MAP2K7: variants seen among roughly 807,000 people sequenced by gnomAD.
MAP2K7 encodes mitogen-activated protein kinase kinase 7.
Under a neutral mutation model 47.7 loss-of-function variants are expected in MAP2K7, and 12 were observed. The observed-to-expected ratio is 0.25, with a 90% CI of 0.16 to 0.41. The LOEUF is 0.41. Among genes scored for constraint, MAP2K7 ranks in the 10% least tolerant of loss-of-function variants. The pLI, the probability that MAP2K7 is intolerant of heterozygous loss-of-function variation, is 1.00. For missense variants in MAP2K7, 415 were observed against 600.3 expected (o/e 0.69, Z 3.23); for synonymous variants, 299 against 243.0 (o/e 1.23, Z -2.14).
At chr19:7,910,594 GC>G in intron 5 of MAP2K7, 22 bp downstream of exon 5, 1 of 1,613,202 alleles carries the variant, frequency 6.2e-7, no homozygotes, top group South Asian at 1.1e-5. Flanking sequence ...GCCGCGCCCT[GC>G]AGCGTCTCCT....
At position 7,905,904 on chromosome 19, in the gene MAP2K7, A is replaced by G. The variant is rs894231703; in HGVS notation, c.124+1836A>G. On this transcript the variant is annotated intron_variant, in intron 1 of 10. Transcript: ENST00000397979. ...GCTTGGACATCTGCACCATTGACCT[A>G]ACCGCTGCCCCGGCCGCAGAATGGC... 13 of 1,569,562 alleles carry G rather than the reference A, an allele frequency of 8.3e-6. No individual in the cohort carries two copies. In the Admixed American group the frequency reaches 8.4e-5, roughly 10 times the overall value.
Position 7,910,534 on chromosome 19 carries a change from C to T in MAP2K7, c.529C>T (p.Pro177Ser), listed in dbSNP as rs779365415. 6 of 1,613,572 alleles carry T rather than the reference C, an allele frequency of 3.7e-6. No individual in the cohort carries two copies. In the Admixed American group the frequency reaches 5.0e-5, roughly 13 times the overall value. ...LDVVLKSHDC[P>S]YIVQCFGTFI... ...TGTGGTGCTGAAGAGCCACGACTGC[C>T]CCTACATCGTGCAGTGCTTTGGGAC... is the stretch of plus-strand genomic sequence containing the variant. The change falls in exon 5 of 11, where the codon CCC becomes TCC. Residue 177 changes from proline to serine, a missense_variant. Physicochemically the swap from Pro to Ser is moderately conservative, Grantham distance 74 (BLOSUM62 -1). This residue lies in a region of MAP2K7 where 206 missense variants were observed against 368.8 expected (regional missense o/e 0.56). Transcript: ENST00000397979.
chr19:7,912,241 G>T (rs116670144), intron 10 of MAP2K7, 47 bp downstream of exon 10: 2 of 1,613,454 alleles, frequency 1.2e-6, no homozygotes, highest in Non-Finnish European at 1.7e-6. Context: ...CTGCGGAGGC[G>T]CGAGGCCAGG....
In MAP2K7 at chr19:7,912,287, G is replaced by A; in HGVS notation, c.1126-10G>A. ...GTCTCCTCCTAAGCCCCACCCCCTC[G>A]GGCCCACAGGAACACAGCTTCATCA... On this transcript the variant is annotated splice_polypyrimidine_tract_variant and intron_variant, in intron 10 of 10. Coordinates refer to ENST00000397979, the MANE Select transcript of MAP2K7 (RefSeq NM_145185.4). 1 of 1,613,540 alleles carries A rather than the reference G, an allele frequency of 6.2e-7. No homozygotes were observed.
rs1213372895 is a variant in MAP2K7 at position 7,909,823 on chromosome 19, C to T, written c.193C>T (p.Pro65Ser). The change falls in exon 2 of 11, where the codon CCC (proline) becomes TCC (serine). Residue 65 changes from proline to serine, a missense_variant. Pro to Ser is a moderately conservative substitution (Grantham distance 74). This residue lies in a region of MAP2K7 where 115 missense variants were observed against 126.2 expected (regional missense o/e 0.91). Transcript: ENST00000397979. ...ATCCTCAGAGAGCTCCCCGCAGCACCCCACGCCCCCCGCCCGGCCCCGCCA... is the reference window on the plus strand; with the variant it reads ...ATCCTCAGAGAGCTCCCCGCAGCACTCCACGCCCCCCGCCCGGCCCCGCCA... ...SPSSESSPQH[P>S]TPPARPRHML... The T allele has an allele frequency of 2.6e-6, 4 of 1,541,838 alleles. No individual in the cohort carries two copies. The highest frequency in any genetic ancestry group is 4.0e-5 in the Admixed American group (2 of 50,606).
At chr19:7,905,791 T>C in intron 1 of MAP2K7, 5 of 1,609,916 alleles carry the variant, frequency 3.1e-6, no homozygotes, top group Non-Finnish European at 4.2e-6. Flanking sequence ...GTTTTTTTCT[T>C]CCTTTTCCCC....
intron 1 of MAP2K7, chr19:7,904,498 G>A: frequency 3.1e-6 from 1 of 322,672 alleles, no homozygotes; most frequent in Non-Finnish European, 6.1e-6. Flanking sequence ...TGTCAGCCCC[G>A]TGCAGCGACG....
In MAP2K7 at chr19:7,912,908, G is replaced by A; in HGVS notation, c.*477G>A. The A allele has an allele frequency of 5.7e-6, 1 of 175,378 alleles. No homozygotes were observed. Among genetic ancestry groups the A allele is most frequent in the Non-Finnish European group, 1.2e-5 (1 of 81,208 alleles). 10.9% of individuals were successfully genotyped at this position (175,378 alleles called of 1,614,324 possible). ...CCTCCCTGCCTCTGTCTCTCTTCTG[G>A]CCTGAGCCTGGGCCCAGCCACCTCC... is the stretch of plus-strand genomic sequence containing the variant. On this transcript the variant is annotated 3_prime_UTR_variant, in exon 11 of 11. Coordinates refer to ENST00000397979, the MANE Select transcript of MAP2K7 (RefSeq NM_145185.4).
chr19:7,911,327 G>C lies in MAP2K7; in HGVS notation c.933G>C (p.Ser311=). ...CCGACGTATGGAGCCTGGGCATCTCGTTGGTGAGTTGGGGCCCTCCCCTGT... is the reference window on the plus strand; with the variant it reads ...CCGACGTATGGAGCCTGGGCATCTCCTTGGTGAGTTGGGGCCCTCCCCTGT... ...IRADVWSLGI[S]LVELATGQFP... is the part of the protein sequence containing the mutation. Residue 311 remains serine (S), a synonymous_variant, in exon 8 of 11, where the codon TCG becomes TCC. Transcript: ENST00000397979. 1 of 1,613,440 alleles carries C rather than the reference G, an allele frequency of 6.2e-7. No homozygotes were observed. Among genetic ancestry groups the C allele is most frequent in the Non-Finnish European group, 8.5e-7 (1 of 1,180,004 alleles).
At chr19:7,911,194 G>A (rs755152141) in intron 7 of MAP2K7, 35 bp downstream of exon 7, 3 of 1,607,780 alleles carry the variant, frequency 1.9e-6, no homozygotes, top group Admixed American at 1.7e-5. Context: ...GAGGGGGTGG[G>A]GGCTGGGAGG....
intron 1 of MAP2K7, chr19:7,905,807 G>A: frequency 6.2e-7 from 1 of 1,610,680 alleles, no homozygotes; most frequent in Non-Finnish European, 8.5e-7. Flanking sequence ...TCCCCATCCA[G>A]TTATTGTGAT....
Position 7,903,970 on chromosome 19 carries a change from A to G in MAP2K7, c.26A>G (p.Lys9Arg). The part of the protein sequence containing the change: MAASSLEQ[K>R]LSRLEAKLKQ... ...ATGGCGGCGTCCTCCCTGGAACAGA[A>G]GCTGTCCCGCCTGGAAGCAAAGCTG... The change falls in exon 1 of 11, where the codon AAG (lysine) becomes AGG (arginine). Residue 9 changes from lysine to arginine, a missense_variant. Physicochemically the swap from Lys to Arg is conservative, Grantham distance 26. Coordinates refer to ENST00000397979, the MANE Select transcript of MAP2K7 (RefSeq NM_145185.4). The G allele has an allele frequency of 6.4e-7, 1 of 1,553,768 alleles. No individual in the cohort carries two copies. The highest frequency in any genetic ancestry group is 8.7e-7 in the Non-Finnish European group (1 of 1,151,580).
intron 1 of MAP2K7, among the ~76,000 whole-genome samples, chr19:7,908,122 G>T (rs1431085049): frequency 1.3e-5 from 2 of 151,248 alleles, no homozygotes; most frequent in Non-Finnish European, 2.9e-5. Context: ...TTGAGATCAC[G>T]CCACTGCACT....
intron 1 of MAP2K7, among the ~76,000 whole-genome samples, chr19:7,908,514 T>G (rs1242019383): frequency 7.2e-5 from 11 of 152,108 alleles, no homozygotes; most frequent in Non-Finnish European, 1.6e-4. Context: ...TCTGTTCATA[T>G]TAGTCCCTGG....
chr19:7,909,878 C>T lies in MAP2K7; in HGVS notation c.248C>T (p.Thr83Ile). 3 of 1,528,062 alleles carry T rather than the reference C, an allele frequency of 2.0e-6. No homozygotes were observed. Among genetic ancestry groups the T allele is most frequent in the East Asian group, 2.5e-5 (1 of 40,662 alleles). 94.7% of individuals were successfully genotyped at this position (1,528,062 alleles called of 1,614,324 possible). ...HMLGLPSTLF[T>I]PRSMESIEID... The stretch of plus-strand genomic sequence containing the variant: ...CTGGGGCTCCCGTCAACCCTGTTCA[C>T]ACCCCGCAGCATGGAGAGGTGAGCC... The change falls in exon 2 of 11, where the codon ACA becomes ATA. Residue 83 changes from threonine to isoleucine, a missense_variant. Physicochemically the swap from Thr to Ile is moderately conservative, Grantham distance 89. Coordinates refer to ENST00000397979, the MANE Select transcript of MAP2K7 (RefSeq NM_145185.4).
rs1431888473 is a variant in MAP2K7 at position 7,912,325 on chromosome 19, C to T, written c.1154C>T (p.Thr385Met). Residue 385 changes from threonine (T) to methionine (M), a missense_variant, in exon 11 of 11, where the codon ACG (threonine) becomes ATG (methionine). Thr to Met is a moderately conservative substitution (Grantham distance 81, BLOSUM62 -1). This residue lies in a region of MAP2K7 where 94 missense variants were observed against 105.2 expected (regional missense o/e 0.89). Coordinates refer to ENST00000397979, the MANE Select transcript of MAP2K7 (RefSeq NM_145185.4). ...CACAGCTTCATCAAGCGCTACGAGA[C>T]GCTGGAGGTGGACGTGGCGTCCTGG... ...LEHSFIKRYE[T>M]LEVDVASWFK... is the part of the protein sequence containing the mutation. 53 of 1,613,670 alleles carry T rather than the reference C, an allele frequency of 3.3e-5. No homozygotes were observed. Among genetic ancestry groups the T allele is most frequent in the Non-Finnish European group, 4.2e-5 (50 of 1,179,996 alleles).
At chr19:7,904,191 C>A (rs1452866308) in intron 1 of MAP2K7, 123 bp downstream of exon 1, 3 of 814,886 alleles carry the variant, frequency 3.7e-6, no homozygotes, top group Non-Finnish European at 3.1e-6. Flanking sequence ...TCTCCGCCCC[C>A]CCCGCTGCGG....
rs976458661 is a variant in MAP2K7, at chr19:7,913,361, G to A, written c.*930G>A. 6.5e-6 allele frequency: 1 copy of A among 152,912 alleles called. No homozygotes were observed. The highest frequency in any genetic ancestry group is 1.5e-5 in the Non-Finnish European group (1 of 68,332). 9.5% of individuals were successfully genotyped at this position (152,912 alleles called of 1,614,324 possible). On this transcript the variant is annotated 3_prime_UTR_variant, in exon 11 of 11. Coordinates refer to ENST00000397979, the MANE Select transcript of MAP2K7 (RefSeq NM_145185.4). ...CCCTGGCCGCACAGGATGGCCTTCA[G>A]GGAAGGTGGTCTTGGGGCATGGTGC...
In MAP2K7 at chr19:7,910,501, G is replaced by A. The variant is rs1413990204; in HGVS notation, c.496G>A (p.Asp166Asn). 6.2e-7 allele frequency: 1 copy of A among 1,613,244 alleles called. No individual in the cohort carries two copies. The highest frequency in any genetic ancestry group is 8.5e-7 in the Non-Finnish European group (1 of 1,179,778). The change falls in exon 5 of 11, where the codon GAC (aspartate) becomes AAC (asparagine). Residue 166 changes from aspartate to asparagine, a missense_variant. Coordinates refer to ENST00000397979, the MANE Select transcript of MAP2K7 (RefSeq NM_145185.4). ...NKEENKRILM[D>N]LDVVLKSHDC... ...GGAGGAGAACAAGCGCATCCTCATG[G>A]ACCTGGATGTGGTGCTGAAGAGCCA...
Sources: allele counts gnomAD v4.1 joint callset (sites outside exome capture counted in the v4.1 genomes callset), GRCh38; gene constraint gnomAD v4.1.1; regional missense constraint gnomAD v4.1.1; transcripts MANE v1.5; gene names NCBI Gene and HGNC (gene_info 2026-07-23, HGNC 2026-07-21).